Variants in HUNK observed in about 807,000 individuals in gnomAD.
HUNK encodes hormonally up-regulated Neu-associated kinase, also known as hormonally up-regulated neu tumor-associated kinase.
In HUNK, 21 loss-of-function variants were observed where a neutral mutation model predicts 61.0. That is an observed-to-expected ratio of 0.34 (90% CI 0.24 to 0.50). The LOEUF (loss-of-function observed/expected upper bound fraction) is 0.50, where lower values mean the gene tolerates loss of function less well. Ranked by LOEUF, HUNK falls within the 20% of genes least tolerant of loss-of-function variation. The pLI, the probability that HUNK is intolerant of heterozygous loss-of-function variation, is 0.98. For missense variants in HUNK, 772 were observed against 945.7 expected (o/e 0.82, Z 2.41); for synonymous variants, 371 against 386.1 (o/e 0.96, Z 0.46).
At chr21:31,985,056 C>T (rs747493909) in intron 8 of HUNK, among the ~76,000 whole-genome samples, 1 of 152,156 alleles carries the variant, frequency 6.6e-6, no homozygotes, top group Non-Finnish European at 1.5e-5. Context: ...GTGAGACTTA[C>T]TACCATGAGA....
rs1285696699 is a variant in HUNK, at chr21:31,988,319, T to C, written c.1258-1810T>C. ...AGCCATTAGAGAGCCCAGGGCCAGT[T>C]TTATTAAAGTCTTTTGAAAAATAAT... is the stretch of plus-strand genomic sequence containing the variant. On this transcript the variant is annotated intron_variant, in intron 8 of 10. Coordinates refer to ENST00000270112, the MANE Select transcript of HUNK (RefSeq NM_014586.2). Among the ~76,000 whole-genome samples, 3 of 152,268 alleles carry C rather than the reference T, an allele frequency of 2.0e-5. No homozygotes were observed. In the East Asian group the frequency reaches 5.8e-4, roughly 29 times the overall value.
At chr21:31,890,372 G>T (rs918824125) in intron 1 of HUNK, among the ~76,000 whole-genome samples, 1 of 151,958 alleles carries the variant, frequency 6.6e-6, no homozygotes, top group Admixed American at 6.6e-5. Context: ...GGTATTACAG[G>T]CACCCACCTC....
rs35859052 is a variant in HUNK at position 31,998,925 on chromosome 21, GC to G, written c.1892del (p.Pro631GlnfsTer27). ...LVSFAHEDKN[S>X]PPKEEGLCCP... ...TCTTTTGCTCACGAAGATAAGAACA[GC>G]CCCCCAAAAGAGGAGGGCCTGTGTT... On this transcript the variant is annotated frameshift_variant, in exon 11 of 11. Transcript: ENST00000270112. LOFTEE classifies it high-confidence loss of function. 2 of 1,614,156 alleles carry G rather than the reference GC, an allele frequency of 1.2e-6. No homozygotes were observed. Among genetic ancestry groups the G allele is most frequent in the Non-Finnish European group, 1.7e-6 (2 of 1,180,048 alleles).
At chr21:31,953,979 A>G (rs1179708884) in intron 4 of HUNK, among the ~76,000 whole-genome samples, 2 of 152,256 alleles carry the variant, frequency 1.3e-5, no homozygotes, top group East Asian at 3.8e-4. Context: ...TCCCAGCCAG[A>G]TGATGGAGAG....
chr21:31,888,399 C>T (rs777234479), intron 1 of HUNK, among the ~76,000 whole-genome samples: 7 of 152,084 alleles, frequency 4.6e-5, no homozygotes, highest in Non-Finnish European at 1.0e-4. Context: ...ACAGATCTAC[C>T]ATCTTTATGG....
rs1339853086 is a variant in HUNK, at chr21:31,924,468, G to A, written c.262G>A (p.Val88Met). The A allele has an allele frequency of 6.2e-7, 1 of 1,611,988 alleles. No individual in the cohort carries two copies. The highest frequency in any genetic ancestry group is 1.3e-5 in the African/African-American group (1 of 74,776). Residue 88 changes from valine to methionine, a missense_variant and splice_region_variant, in exon 2 of 11, where the codon GTG becomes ATG. By Grantham distance (21) the Val-to-Met change is conservative. This residue lies in a region of HUNK where 359 missense variants were observed against 501.3 expected (regional missense o/e 0.72). Transcript: ENST00000270112. This position sits in a 1 kb window ranked among gnomAD's most constrained non-coding sequence, Gnocchi z 5.1. ...AGGCATGTTCTTGTTTTCTCCTTAG[G>A]TGGCCATAAAAGTCATTGATAAGAA... The part of the protein sequence containing the change: ...EGLHVLTGEK[V>M]AIKVIDKKRA...
At chr21:31,968,753 TGAGAGAGAGAGA>T (rs113502322) in intron 6 of HUNK, among the ~76,000 whole-genome samples, 1 of 115,548 alleles carries the variant, frequency 8.7e-6, no homozygotes, top group Non-Finnish European at 2.0e-5. Context: ...TGTGTGTGTG[TGAGAGAGAGAGA>T]GTGAGTGTCT....
intron 1 of HUNK, among the ~76,000 whole-genome samples, chr21:31,875,104 G>T (rs780342972): frequency 1.3e-5 from 2 of 152,196 alleles, no homozygotes; most frequent in Non-Finnish European, 2.9e-5. Context: ...GGCGTCAGCC[G>T]CAAGGAGGGA....
chr21:31,991,550 G>GTTTT (rs556885751), intron 9 of HUNK, among the ~76,000 whole-genome samples: 54 of 152,214 alleles, frequency 3.5e-4, no homozygotes, highest in Middle Eastern at 3.4e-3. Flanking sequence ...TCACTTGTAG[G>GTTTT]TTTTTCTGCA....
At chr21:31,911,776 G>A (rs2052547196) in intron 1 of HUNK, among the ~76,000 whole-genome samples, 1 of 151,974 alleles carries the variant, frequency 6.6e-6, no homozygotes, top group Non-Finnish European at 1.5e-5. Context: ...AAGAATGAGG[G>A]TCCTTCTGTC....
intron 7 of HUNK, among the ~76,000 whole-genome samples, chr21:31,975,807 T>G (rs541233494): frequency 1.3e-5 from 2 of 152,252 alleles, no homozygotes; most frequent in South Asian, 4.1e-4. Flanking sequence ...GCTGGCATGG[T>G]GGAGATGACC....
At chr21:31,934,328 AG>A (rs1202151521) in intron 2 of HUNK, among the ~76,000 whole-genome samples, 1 of 151,556 alleles carries the variant, frequency 6.6e-6, no homozygotes, top group East Asian at 1.9e-4. Context: ...CTGTAGTCCC[AG>A]CTACTCAGGA....
rs1337095841 is a variant in HUNK at position 31,874,917 on chromosome 21, T to C, written c.261+982T>C. On this transcript the variant is annotated intron_variant, in intron 1 of 10. Coordinates refer to ENST00000270112, the MANE Select transcript of HUNK (RefSeq NM_014586.2). The stretch of plus-strand genomic sequence containing the variant: ...GAGCTGTGAGAAGAAACCCAAGAGC[T>C]TGGTGACTCGCTTTTGAGGCCGGGT... Among the ~76,000 whole-genome samples the C allele has an allele frequency of 2.0e-5, 3 of 152,166 alleles. No homozygotes were observed. In the East Asian group the frequency reaches 5.8e-4, roughly 29 times the overall value.
At chr21:31,936,057 A>C (rs1348854191) in intron 2 of HUNK, among the ~76,000 whole-genome samples, 1 of 152,094 alleles carries the variant, frequency 6.6e-6, no homozygotes, top group Non-Finnish European at 1.5e-5. Flanking sequence ...TCAGCTTCCC[A>C]AAGTGCTGGG....
Position 31,934,183 on chromosome 21 carries a change from C to T in HUNK, c.555-5982C>T, listed in dbSNP as rs140650018. Among the ~76,000 whole-genome samples the T allele has an allele frequency of 8.5e-3, 1,287 of 151,018 alleles. 15 individuals are homozygous for T. Among genetic ancestry groups the T allele is most frequent in the African/African-American group, 0.028 (1,159 of 41,176 alleles). ...AATACACGAATACTGAGGCTGGGCG[C>T]GGTGGCTCACTCCTGTAATCCCAGC... On this transcript the variant is annotated intron_variant, in intron 2 of 10. Coordinates refer to ENST00000270112, the MANE Select transcript of HUNK (RefSeq NM_014586.2).
Position 31,924,399 on chromosome 21 carries a change from TGTGAGTAGCCAAG to T in HUNK, c.262-67_262-55del. On this transcript the variant is annotated intron_variant, in intron 1 of 10. Transcript: ENST00000270112. The surrounding 1 kb of genome is among the most constrained non-coding windows in gnomAD (Gnocchi z 5.1). Reference sequence around the variant, plus strand: ...ATAGCTAGCATTTTTCTTGGGTTCCTGTGAGTAGCCAAGGCATCGCTATTGTCTGTAATGTCTG... The same window carrying T: ...ATAGCTAGCATTTTTCTTGGGTTCCTGCATCGCTATTGTCTGTAATGTCTG... 1 of 1,463,268 alleles carries T rather than the reference TGTGAGTAGCCAAG, an allele frequency of 6.8e-7. No homozygotes were observed. The highest frequency in any genetic ancestry group is 2.3e-5 in the East Asian group (1 of 43,808). The allele number at this position is 1,463,268 out of a possible 1,614,324, so 90.6% of individuals were successfully genotyped here.
intron 7 of HUNK, among the ~76,000 whole-genome samples, chr21:31,976,290 AAC>A (rs2053048421): frequency 6.6e-6 from 1 of 152,094 alleles, no homozygotes; most frequent in African/African-American, 2.4e-5. Context: ...CAGGACTTTC[AAC>A]ATATAGTATA....
chr21:31,989,839 C>T (rs910518384), intron 8 of HUNK, among the ~76,000 whole-genome samples: 3 of 151,466 alleles, frequency 2.0e-5, no homozygotes, highest in Admixed American at 6.6e-5. Context: ...AGTGCCATTT[C>T]TGTGGGTGTC....
At chr21:31,992,113 G>A (rs1354049663) in intron 9 of HUNK, among the ~76,000 whole-genome samples, 2 of 152,214 alleles carry the variant, frequency 1.3e-5, no homozygotes. Context: ...ATCCTCAGGT[G>A]GAGCACCTGT....
Sources: gnomAD v4.1 joint callset for allele counts (sites outside exome capture counted in the v4.1 genomes callset) on GRCh38, gnomAD v4.1.1 for gene constraint, gnomAD v4.1.1 regional missense constraint, Gnocchi (gnomAD v3.1) non-coding constraint, MANE v1.5 for transcripts, NCBI Gene and HGNC (gene_info 2026-07-23, HGNC 2026-07-21) for gene names.